The following CYP2E1 variants were observed in gnomAD, a reference collection of about 807,000 sequenced individuals.
The protein encoded by CYP2E1 is cytochrome P450 family 2 subfamily E member 1.
A neutral mutation model predicts 42.9 loss-of-function variants in CYP2E1; 31 were observed. That is an observed-to-expected ratio of 0.72 (90% CI 0.54 to 0.98). The LOEUF (loss-of-function observed/expected upper bound fraction) is 0.98. Ranked by LOEUF, CYP2E1 falls within the 50% of genes least tolerant of loss-of-function variation. The pLI is 0.00. For synonymous variants in CYP2E1, 244 were observed against 248.9 expected, an observed-to-expected ratio of 0.98 and a Z score of 0.19; for missense variants, 565 against 633.2, an observed-to-expected ratio of 0.89 and a Z score of 1.16.
chr10:133,533,744 C>G lies in CYP2E1; in HGVS notation c.826-12C>G, dbSNP rs368348626. On this transcript the variant is annotated splice_polypyrimidine_tract_variant and intron_variant, in intron 5 of 8. Transcript: ENST00000252945. Reference sequence around the variant, plus strand: ...CAGCCCCTTCTCCTCCGGTCTGTCTCCGGTATCACAGGAAAAGCACAGTGC... The same window carrying G: ...CAGCCCCTTCTCCTCCGGTCTGTCTGCGGTATCACAGGAAAAGCACAGTGC... The G allele has an allele frequency of 6.9e-5, 111 of 1,613,530 alleles. No homozygotes were observed. The highest frequency in any genetic ancestry group is 8.4e-5 in the Non-Finnish European group (99 of 1,179,816).
rs980349044 is a variant in CYP2E1, at chr10:133,537,079, A to C, written c.984A>C (p.Glu328Asp). The stretch of plus-strand genomic sequence containing the variant: ...TCTTGGCAGAGAAGCTCCATGAAGA[A>C]ATTGACAGGGTGATTGGGCCAAGCC... ...YPEIEEKLHE[E>D]IDRVIGPSRI... Residue 328 changes from glutamate to aspartate, a missense_variant, in exon 7 of 9, where the codon GAA (glutamate) becomes GAC (aspartate). By Grantham distance (45) the Glu-to-Asp change is conservative. Coordinates refer to ENST00000252945, the MANE Select transcript of CYP2E1 (RefSeq NM_000773.4). 2.5e-6 allele frequency: 4 copies of C among 1,613,534 alleles called. No individual in the cohort carries two copies. The highest frequency in any genetic ancestry group is 3.4e-6 in the Non-Finnish European group (4 of 1,179,764).
intron 6 of CYP2E1, among the ~76,000 whole-genome samples, chr10:133,536,729 T>TTGGA (rs1851406705): frequency 1.2e-4 from 2 of 16,544 alleles, no homozygotes; most frequent in Non-Finnish European, 8.6e-4. Context: ...GGGTGGATGG[T>TTGGA]TGGATGGATG....
intron 6 of CYP2E1, among the ~76,000 whole-genome samples, chr10:133,536,785 G>A (rs538067017): frequency 1.2e-5 from 1 of 81,330 alleles, no homozygotes; most frequent in African/African-American, 3.7e-5. Flanking sequence ...GGGTGGGTGG[G>A]TGGATGGGAG....
intron 8 of CYP2E1, among the ~76,000 whole-genome samples, chr10:133,538,397 A>G (rs1032997281): frequency 2.0e-5 from 3 of 151,790 alleles, no homozygotes; most frequent in African/African-American, 7.3e-5. Flanking sequence ...CATACAACCA[A>G]CTCCATACTT....
chr10:133,537,184 C>T lies in CYP2E1; in HGVS notation c.1089C>T (p.Leu363=), dbSNP rs1485671939. ...ATGAGATTCAGCGGTTCATCACCCTCGTGCCCTCCAACCTGCCCCATGAAG... is the reference window on the plus strand; with the variant it reads ...ATGAGATTCAGCGGTTCATCACCCTTGTGCCCTCCAACCTGCCCCATGAAG... ...VVHEIQRFIT[L]VPSNLPHEAT... Residue 363 remains leucine (L), a synonymous_variant, in exon 7 of 9, where the codon CTC becomes CTT. Coordinates refer to ENST00000252945, the MANE Select transcript of CYP2E1 (RefSeq NM_000773.4). The T allele has an allele frequency of 6.2e-6, 10 of 1,613,984 alleles. No individual in the cohort carries two copies. Among genetic ancestry groups the T allele is most frequent in the South Asian group, 2.2e-5 (2 of 91,086 alleles).
chr10:133,533,770 A>G lies in CYP2E1; in HGVS notation c.840A>G (p.Ala280=). 9 of 1,614,156 alleles carry G rather than the reference A, an allele frequency of 5.6e-6. No individual in the cohort carries two copies. Among genetic ancestry groups the G allele is most frequent in the Non-Finnish European group, 6.8e-6 (8 of 1,180,002 alleles). ...CGGTATCACAGGAAAAGCACAGTGC[A>G]GAGCGCTTGTACACAATGGACGGTA... ...LVEMEKEKHS[A]ERLYTMDGIT... is the part of the protein sequence containing the mutation. The change falls in exon 6 of 9, where the codon GCA becomes GCG. Residue 280 remains alanine (A), a synonymous_variant. Transcript: ENST00000252945.
At chr10:133,534,099 C>T (rs994769374) in intron 6 of CYP2E1, among the ~76,000 whole-genome samples, 4 of 152,118 alleles carry the variant, frequency 2.6e-5, no homozygotes, top group Non-Finnish European at 5.9e-5. Flanking sequence ...ACTGGTTGGT[C>T]CATACCCCAC....
chr10:133,534,246 T>G lies in CYP2E1; in HGVS notation c.967+349T>G, dbSNP rs530736302. ...CCAGTTCCCCCCAAGTAAGACCTGG[T>G]CTTCTAGGCAGAGCAGGTGGGGAGG... On this transcript the variant is annotated intron_variant, in intron 6 of 8. Coordinates refer to ENST00000252945, the MANE Select transcript of CYP2E1 (RefSeq NM_000773.4). Among the ~76,000 whole-genome samples, 9 of 152,258 alleles carry G rather than the reference T, an allele frequency of 5.9e-5. No individual in the cohort carries two copies. In the South Asian group the frequency reaches 1.7e-3, roughly 28 times the overall value.
chr10:133,536,067 G>A (rs1320263201), intron 6 of CYP2E1, among the ~76,000 whole-genome samples: 1 of 152,176 alleles, frequency 6.6e-6, no homozygotes, highest in Non-Finnish European at 1.5e-5. Context: ...CTGCATGTCT[G>A]ATTCTGTTCT....
chr10:133,533,387 A>G (rs1391608723), intron 5 of CYP2E1, among the ~76,000 whole-genome samples: 1 of 152,196 alleles, frequency 6.6e-6, no homozygotes, highest in Non-Finnish European at 1.5e-5. Context: ...CTGTCTGAGC[A>G]TCTTCTCCAC....
In CYP2E1 at chr10:133,539,091, T is replaced by C; in HGVS notation, c.*127T>C. On this transcript the variant is annotated 3_prime_UTR_variant, in exon 9 of 9. Transcript: ENST00000252945. ...TGAAAATAAATATTTTCCCAGAATATAAATAAATCATCACATGATTATTTT... is the reference window on the plus strand; with the variant it reads ...TGAAAATAAATATTTTCCCAGAATACAAATAAATCATCACATGATTATTTT... 1.5e-6 allele frequency: 1 copy of C among 660,976 alleles called. No homozygotes were observed. Among genetic ancestry groups the C allele is most frequent in the Non-Finnish European group, 2.4e-6 (1 of 421,886 alleles). The allele number at this position is 660,976 out of a possible 1,614,324, so 40.9% of individuals were successfully genotyped here. A position where few individuals can be genotyped will look rare whatever the true frequency, so the allele number is the denominator to read the frequency against.
chr10:133,537,347 C>G, intron 7 of CYP2E1, 97 bp downstream of exon 7: 1 of 1,286,332 alleles, frequency 7.8e-7, no homozygotes, highest in Non-Finnish European at 1.1e-6. Flanking sequence ...AGACCCTTCC[C>G]TTTGGCAGGG....
In CYP2E1 at chr10:133,531,683, C is replaced by G; in HGVS notation, c.436C>G (p.Arg146Gly). 6.2e-7 allele frequency: 1 copy of G among 1,612,546 alleles called. No individual in the cohort carries two copies. Among genetic ancestry groups the G allele is most frequent in the Non-Finnish European group, 8.5e-7 (1 of 1,179,232 alleles). ...YGMGKQGNES[R>G]IQREAHFLLE... ...GATGGGGAAACAGGGCAATGAGAGC[C>G]GGATCCAGAGGGAGGCCCACTTCCT... Residue 146 changes from arginine (R) to glycine (G), a missense_variant, in exon 3 of 9, where the codon CGG (arginine) becomes GGG (glycine). By Grantham distance (125) the Arg-to-Gly change is moderately radical. Transcript: ENST00000252945.
At chr10:133,537,395 T>A in intron 7 of CYP2E1, 145 bp downstream of exon 7, 1 of 771,266 alleles carries the variant, frequency 1.3e-6, no homozygotes, top group Non-Finnish European at 2.1e-6. Flanking sequence ...TCCCACCCTG[T>A]GGGATACTGC....
chr10:133,538,989 C>A lies in CYP2E1; in HGVS notation c.*25C>A. 6.5e-7 allele frequency: 1 copy of A among 1,536,664 alleles called. No homozygotes were observed. Among genetic ancestry groups the A allele is most frequent in the South Asian group, 1.3e-5 (1 of 78,434 alleles). On this transcript the variant is annotated 3_prime_UTR_variant, in exon 9 of 9. Transcript: ENST00000252945. ...AGTGTGTGGAGGACACCCTGAACCC[C>A]CCGCTTTCAAACAAGTTTTCAAATT...
chr10:133,531,718 A>T lies in CYP2E1; in HGVS notation c.471A>T (p.Ala157=). ...GGGAGGCCCACTTCCTGCTGGAAGCACTCAGGAAGACCCAAGGTGCGTATC... is the reference window on the plus strand; with the variant it reads ...GGGAGGCCCACTTCCTGCTGGAAGCTCTCAGGAAGACCCAAGGTGCGTATC... ...IQREAHFLLE[A]LRKTQGQPFD... is the part of the protein sequence containing the mutation. The change falls in exon 3 of 9, where the codon GCA becomes GCT. Residue 157 remains alanine (A), a synonymous_variant. Transcript: ENST00000252945. 6.2e-7 allele frequency: 1 copy of T among 1,600,454 alleles called. No homozygotes were observed. The highest frequency in any genetic ancestry group is 2.2e-5 in the East Asian group (1 of 44,858).
chr10:133,538,902 A>G lies in CYP2E1; in HGVS notation c.1420A>G (p.Ile474Val). 2 of 1,613,972 alleles carry G rather than the reference A, an allele frequency of 1.2e-6. No homozygotes were observed. Among genetic ancestry groups the G allele is most frequent in the East Asian group, 2.2e-5 (1 of 44,868 alleles). Residue 474 changes from isoleucine (I) to valine (V), a missense_variant, in exon 9 of 9, where the codon ATA becomes GTA. Physicochemically the swap from Ile to Val is conservative, Grantham distance 29. Transcript: ENST00000252945. ...VDPKDIDLSP[I>V]HIGFGCIPPR... Reference sequence around the variant, plus strand: ...CCCAAAGGATATCGACCTCAGCCCTATACATATTGGGTTTGGCTGTATCCC... The same window carrying G: ...CCCAAAGGATATCGACCTCAGCCCTGTACATATTGGGTTTGGCTGTATCCC...
intron 1 of CYP2E1, among the ~76,000 whole-genome samples, chr10:133,527,850 T>G (rs1851288865): frequency 6.6e-6 from 1 of 152,186 alleles, no homozygotes; most frequent in Admixed American, 6.5e-5. Context: ...GACGCCAGGA[T>G]AACCGGGCTG....
At chr10:133,530,956 G>C (rs566805455) in intron 2 of CYP2E1, among the ~76,000 whole-genome samples, 1 of 152,144 alleles carries the variant, frequency 6.6e-6, no homozygotes, top group Non-Finnish European at 1.5e-5. Context: ...TCATACTCTC[G>C]GGAGGATCCA....
Sources: allele counts gnomAD v4.1 joint callset (sites outside exome capture counted in the v4.1 genomes callset), GRCh38; gene constraint gnomAD v4.1.1; transcripts MANE v1.5; gene names NCBI Gene and HGNC (gene_info 2026-07-23, HGNC 2026-07-21).